Variants in CPNE9 observed in about 807,000 individuals in gnomAD.
CPNE9 encodes copine family member 9.
CPNE9 carries 59 observed loss-of-function variants against 83.0 expected under a neutral mutation model. The observed-to-expected ratio is 0.71, with a 90% confidence interval of 0.58 to 0.88. CPNE9 has a LOEUF of 0.88. CPNE9 is among the 40% of genes least tolerant of loss of function. The probability of loss-of-function intolerance (pLI) is 0.00; values close to 1 mark genes in which losing one functional copy is unlikely to be tolerated. For missense variants in CPNE9, 619 were observed against 720.8 expected, an observed-to-expected ratio of 0.86 and a Z score of 1.62; for synonymous variants, 256 against 273.4, an observed-to-expected ratio of 0.94 and a Z score of 0.63.
At chr3:9,711,516 C>T (rs918847268) in intron 7 of CPNE9, among the ~76,000 whole-genome samples, 15 of 152,136 alleles carry the variant, frequency 9.9e-5, no homozygotes, top group African/African-American at 1.7e-4. Context: ...CGCGCCCAGC[C>T]GTAGGCGAAT....
chr3:9,718,592 C>T lies in CPNE9; in HGVS notation c.1231C>T (p.Gln411Ter). The T allele has an allele frequency of 1.9e-6, 3 of 1,612,714 alleles. No homozygotes were observed. Among genetic ancestry groups the T allele is most frequent in the Non-Finnish European group, 2.5e-6 (3 of 1,179,030 alleles). Residue 411 changes from glutamine to a stop codon, truncating the protein, a stop_gained, in exon 17 of 21, where the codon CAA (glutamine) becomes TAA (stop). Transcript: ENST00000383832. LOFTEE classifies it high-confidence loss of function. Reference sequence around the variant, plus strand: ...CACCTACTTTGCTCCTGTCATCAACCAAGTGGCCAGGTAAGGGAACTGGGT... The same window carrying T: ...CACCTACTTTGCTCCTGTCATCAACTAAGTGGCCAGGTAAGGGAACTGGGT... ...GPTYFAPVIN[Q>*]VARAAAKISD... is the part of the protein sequence containing the mutation.
At position 9,718,189 on chromosome 3, in the gene CPNE9, G is replaced by C; in HGVS notation, c.1092G>C (p.Arg364=). The C allele has an allele frequency of 6.2e-7, 1 of 1,612,786 alleles. No homozygotes were observed. Among genetic ancestry groups the C allele is most frequent in the South Asian group, 1.1e-5 (1 of 90,916 alleles). The change falls in exon 16 of 21, where the codon CGG becomes CGC. Residue 364 remains arginine, a synonymous_variant. Transcript: ENST00000383832. The stretch of plus-strand genomic sequence containing the variant: ...GGGCCAAGCTGCCCCCAGAGGGACG[G>C]ATCTCCCACCAGTTCCCCCTGGTAT... ...GFGAKLPPEG[R]ISHQFPLNNN...
Position 9,716,025 on chromosome 3 carries a change from A to C in CPNE9, c.874A>C (p.Ile292Leu). ...VDSEFTFVDY[I>L]KGGTQLNFTV... ...CTCTGAATTCACTTTTGTTGATTAC[A>C]TCAAGGGAGGGTGAGTCACAGGCCA... Residue 292 changes from isoleucine to leucine, a missense_variant, in exon 14 of 21, where the codon ATC becomes CTC. Coordinates refer to ENST00000383832, the MANE Select transcript of CPNE9 (RefSeq NM_153635.3). 1 of 1,609,784 alleles carries C rather than the reference A, an allele frequency of 6.2e-7. No homozygotes were observed. The highest frequency in any genetic ancestry group is 8.5e-7 in the Non-Finnish European group (1 of 1,177,948).
chr3:9,705,032 C>T (rs201102956), intron 4 of CPNE9, 38 bp downstream of exon 4: 175 of 1,457,984 alleles, frequency 1.2e-4, no homozygotes, highest in Non-Finnish European at 1.6e-4. Context: ...GGCCCGCCCC[C>T]GACCTGGATC....
chr3:9,705,906 C>A, intron 6 of CPNE9, 81 bp from the exon 7 acceptor site: 1 of 1,491,256 alleles, frequency 6.7e-7, no homozygotes. Flanking sequence ...TGCCCTGGTC[C>A]TGTGCAGGAG....
intron 10 of CPNE9, among the ~76,000 whole-genome samples, chr3:9,713,933 C>A (rs1268072281): frequency 4.0e-5 from 6 of 151,832 alleles, no homozygotes; most frequent in African/African-American, 1.2e-4. Context: ...ATTAGCCGGG[C>A]GTGGTGGTGG....
intron 17 of CPNE9, among the ~76,000 whole-genome samples, chr3:9,725,624 A>G (rs1181752486): frequency 7.2e-6 from 1 of 138,530 alleles, no homozygotes; most frequent in Non-Finnish European, 1.5e-5. Flanking sequence ...ACATGTGTAT[A>G]TATATGTATA....
intron 11 of CPNE9, 152 bp downstream of exon 11, chr3:9,715,107 A>G (rs1265757546): frequency 4.8e-5 from 44 of 916,944 alleles, no homozygotes; most frequent in East Asian, 1.0e-4. Flanking sequence ...GATCCCCCCA[A>G]TTGTCTCTCT....
chr3:9,722,046 C>A (rs1575130821), intron 17 of CPNE9, among the ~76,000 whole-genome samples: 1 of 151,836 alleles, frequency 6.6e-6, no homozygotes, highest in East Asian at 1.9e-4. Context: ...GCCTCATGAG[C>A]AGCTGGGATT....
Position 9,713,074 on chromosome 3 carries a change from T to C in CPNE9, c.645T>C (p.Tyr215=), listed in dbSNP as rs747853075. 19 of 1,612,528 alleles carry C rather than the reference T, an allele frequency of 1.2e-5. No homozygotes were observed. The African/African-American group carries it at 1.9e-4, about 16-fold the overall frequency. Residue 215 remains tyrosine, a synonymous_variant, in exon 10 of 21, where the codon TAT becomes TAC. Coordinates refer to ENST00000383832, the MANE Select transcript of CPNE9 (RefSeq NM_153635.3). ...IPVRALCNGD[Y]DRTVKIDVYD... ...TGCGGGCTCTGTGCAATGGAGACTA[T>C]GACAGGTTGGCTCCAGCATAAGCTG...
intron 5 of CPNE9, 96 bp from the exon 6 acceptor site, chr3:9,705,622 A>C (rs1575114551): frequency 1.3e-6 from 2 of 1,568,618 alleles, no homozygotes; most frequent in African/African-American, 2.7e-5. Flanking sequence ...CCCCCAACCC[A>C]CCCTCCTGGT....
Position 9,729,616 on chromosome 3 carries a change from T to C in CPNE9, c.1586T>C (p.Met529Thr), listed in dbSNP as rs1268528274. 3.1e-6 allele frequency: 5 copies of C among 1,614,006 alleles called. No individual in the cohort carries two copies. The highest frequency in any genetic ancestry group is 1.7e-5 in the Admixed American group (1 of 60,000). The stretch of plus-strand genomic sequence containing the variant: ...ATCCCGGAGCAGCTGCTGTCCTATA[T>C]GCGCACCAGAGACATCCAGCCTCGG... ...AEIPEQLLSY[M>T]RTRDIQPRPP... is the part of the protein sequence containing the mutation. The change falls in exon 21 of 21, where the codon ATG becomes ACG. Residue 529 changes from methionine to threonine, a missense_variant. By Grantham distance (81) the Met-to-Thr change is moderately conservative. This residue lies in a region of CPNE9 where 51 missense variants were observed against 40.4 expected (regional missense o/e 1.26). Coordinates refer to ENST00000383832, the MANE Select transcript of CPNE9 (RefSeq NM_153635.3).
Position 9,704,827 on chromosome 3 carries a change from C to G in CPNE9, c.156+32C>G. The G allele has an allele frequency of 6.3e-7, 1 of 1,599,548 alleles. No individual in the cohort carries two copies. ...CCCAGAGCCCCCTCCCGGCCCAGGG[C>G]GTCGCCCGGGAATTCCCCTGCCCGT... On this transcript the variant is annotated intron_variant, in intron 3 of 20. Transcript: ENST00000383832. This position sits in a 1 kb window ranked among gnomAD's most constrained non-coding sequence, Gnocchi z 7.1.
intron 7 of CPNE9, among the ~76,000 whole-genome samples, chr3:9,711,278 C>G (rs1471381801): frequency 6.6e-6 from 1 of 152,188 alleles, no homozygotes; most frequent in Non-Finnish European, 1.5e-5. Context: ...TCTCAGCTCA[C>G]TGCAAACTCT....
In CPNE9 at chr3:9,716,032, G is replaced by A; in HGVS notation, c.881G>A (p.Gly294Glu). The change falls in exon 14 of 21, where the codon GGA (glycine) becomes GAA (glutamate). Residue 294 changes from glycine to glutamate, a missense_variant. By Grantham distance (98) the Gly-to-Glu change is moderately conservative. Coordinates refer to ENST00000383832, the MANE Select transcript of CPNE9 (RefSeq NM_153635.3). ...SEFTFVDYIK[G>E]GTQLNFTVAI... ...TTCACTTTTGTTGATTACATCAAGG[G>A]AGGGTGAGTCACAGGCCAAGCTCTG... The A allele has an allele frequency of 6.2e-7, 1 of 1,608,722 alleles. No homozygotes were observed. Among genetic ancestry groups the A allele is most frequent in the Non-Finnish European group, 8.5e-7 (1 of 1,177,318 alleles).
chr3:9,718,352 A>C (rs1327781685), intron 16 of CPNE9, 123 bp from the exon 17 acceptor site: 61 of 1,422,860 alleles, frequency 4.3e-5, no homozygotes, highest in Non-Finnish European at 5.6e-5. Flanking sequence ...GGAGGGGAGC[A>C]GGGCTGGGTT....
intron 18 of CPNE9, 140 bp from the exon 19 acceptor site, chr3:9,726,525 T>C: frequency 3.0e-6 from 2 of 668,482 alleles, no homozygotes; most frequent in Non-Finnish European, 5.4e-6. Context: ...GAAAAAGTAG[T>C]CTGGGGCAGA....
intron 20 of CPNE9, 101 bp downstream of exon 20, chr3:9,727,287 T>C: frequency 1.6e-6 from 2 of 1,243,360 alleles, no homozygotes; most frequent in South Asian, 1.2e-5. Flanking sequence ...CTCCTACTTT[T>C]TTCCCCCGTC....
intron 17 of CPNE9, 82 bp downstream of exon 17, chr3:9,718,684 T>TTA: frequency 6.6e-7 from 1 of 1,513,964 alleles, no homozygotes; most frequent in Non-Finnish European, 9.0e-7. Context: ...AGGAGCACTC[T>TTA]AAGTAATTTA....
Sources: gnomAD v4.1 joint callset for allele counts (sites outside exome capture counted in the v4.1 genomes callset) on GRCh38, gnomAD v4.1.1 for gene constraint, gnomAD v4.1.1 regional missense constraint, Gnocchi (gnomAD v3.1) non-coding constraint, MANE v1.5 for transcripts, NCBI Gene and HGNC (gene_info 2026-07-23, HGNC 2026-07-21) for gene names.